NLRP13: variants seen among roughly 807,000 people sequenced by gnomAD.
NLRP13 encodes the protein NLR family pyrin domain containing 13.
NLRP13 carries 82 observed loss-of-function variants against 94.4 expected under a neutral mutation model. That is an observed-to-expected ratio of 0.87 (90% CI 0.73 to 1.04). The LOEUF (loss-of-function observed/expected upper bound fraction) is 1.04, where lower values mean the gene tolerates loss of function less well. NLRP13 is among the 50% of genes least tolerant of loss of function. NLRP13 has a pLI of 0.00. For missense variants in NLRP13, 1,426 were observed against 1,230.8 expected (o/e 1.16, Z -2.37); for synonymous variants, 553 against 464.7 (o/e 1.19, Z -2.45).
rs548750772 is a variant in NLRP13 at position 55,896,475 on chromosome 19, T to C, written c.2958-356A>G. Among the ~76,000 whole-genome samples the C allele has an allele frequency of 1.2e-3, 155 of 127,158 alleles. 2 individuals carry two copies. The highest frequency in any genetic ancestry group is 4.3e-3 in the African/African-American group (139 of 32,336). 83.4% of individuals were successfully genotyped at this position (127,158 alleles called of 152,430 possible). ...AGGTGGAGGTTGCAGTGAGCCGAGA[T>C]CACACCACTGCACTCCAGCCTGGCG... On this transcript the variant is annotated intron_variant, in intron 10 of 10. Coordinates refer to ENST00000342929, the MANE Select transcript of NLRP13 (RefSeq NM_176810.2).
At chr19:55,905,991 G>A (rs1008588277) in intron 7 of NLRP13, among the ~76,000 whole-genome samples, 3 of 152,184 alleles carry the variant, frequency 2.0e-5, no homozygotes, top group Non-Finnish European at 2.9e-5. Flanking sequence ...GTGTGAGATA[G>A]CCATGATCAA....
At chr19:55,895,176 C>CTA (rs1311681747), downstream of NLRP13, among the ~76,000 whole-genome samples, 1 of 147,066 alleles carries the variant, frequency 6.8e-6, no homozygotes, top group Non-Finnish European at 1.5e-5. Flanking sequence ...TGGTGAAACC[C>CTA]CCGTGTCTAC....
chr19:55,912,465 GTC>G lies in NLRP13; in HGVS notation c.1350_1351del (p.Gln450HisfsTer24). 1 of 1,614,232 alleles carries G rather than the reference GTC, an allele frequency of 6.2e-7. No individual in the cohort carries two copies. Among genetic ancestry groups the G allele is most frequent in the East Asian group, 2.2e-5 (1 of 44,880 alleles). ...AAAATAGGCATACAGACTGGTGGTA[GTC>G]TGAGTGATTGACTGGAGATCGTAAT... On this transcript the variant is annotated frameshift_variant, in exon 5 of 11. Coordinates refer to ENST00000342929, the MANE Select transcript of NLRP13 (RefSeq NM_176810.2). LOFTEE classifies it high-confidence loss of function.
rs773555501 is a variant in NLRP13 at position 55,898,905 on chromosome 19, C to T, written c.2822G>A (p.Cys941Tyr). ...LSGCSFTREGCGELANALSHN... is the reference protein window; with the variant it reads ...LSGCSFTREGYGELANALSHN... Reference sequence around the variant, plus strand: ...GCTGAGGGCATTAGCCAGCTCTCCACAGCCCTCTCTTGTGAAAGAACAACC... The same window carrying T: ...GCTGAGGGCATTAGCCAGCTCTCCATAGCCCTCTCTTGTGAAAGAACAACC... The change falls in exon 10 of 11, where the codon TGT becomes TAT. Residue 941 changes from cysteine (C) to tyrosine (Y), a missense_variant. Coordinates refer to ENST00000342929, the MANE Select transcript of NLRP13 (RefSeq NM_176810.2). The T allele has an allele frequency of 5.0e-6, 8 of 1,609,668 alleles. No homozygotes were observed. The highest frequency in any genetic ancestry group is 3.4e-5 in the Admixed American group (2 of 58,430).
chr19:55,930,830 T>G (rs1365161765), intron 1 of NLRP13, among the ~76,000 whole-genome samples: 1 of 121,502 alleles, frequency 8.2e-6, no homozygotes, highest in Non-Finnish European at 1.7e-5. Context: ...GCAGATTACA[T>G]GGTGCACTAA....
At chr19:55,919,772 A>G (rs545588385) in intron 4 of NLRP13, among the ~76,000 whole-genome samples, 1 of 152,270 alleles carries the variant, frequency 6.6e-6, no homozygotes, top group Non-Finnish European at 1.5e-5. Flanking sequence ...CAATATATCA[A>G]TTCAATGCAA....
chr19:55,896,046 C>T lies in NLRP13; in HGVS notation c.3031G>A (p.Val1011Ile). 8 of 1,614,176 alleles carry T rather than the reference C, an allele frequency of 5.0e-6. No homozygotes were observed. The highest frequency in any genetic ancestry group is 6.8e-6 in the Non-Finnish European group (8 of 1,180,018). Residue 1011 changes from valine to isoleucine, a missense_variant, in exon 11 of 11, where the codon GTC becomes ATC. By Grantham distance (29) the Val-to-Ile change is conservative. Transcript: ENST00000342929. Reference protein sequence around the residue: ...FSVLSSSKSLVNLNLLGNELD... With the variant: ...FSVLSSSKSLINLNLLGNELD... ...TCATTGCCTAGAAGGTTCAGATTGACCAGGCTCTTACTGCTGCTGAGAACA... is the reference window on the plus strand; with the variant it reads ...TCATTGCCTAGAAGGTTCAGATTGATCAGGCTCTTACTGCTGCTGAGAACA...
At chr19:55,921,141 G>A (rs1036371179) in intron 4 of NLRP13, among the ~76,000 whole-genome samples, 2 of 152,140 alleles carry the variant, frequency 1.3e-5, no homozygotes, top group African/African-American at 4.8e-5. Flanking sequence ...GGGGTTGAGG[G>A]ACGAGAAATT....
intron 4 of NLRP13, among the ~76,000 whole-genome samples, chr19:55,923,209 A>G (rs995382003): frequency 2.0e-5 from 3 of 152,240 alleles, no homozygotes; most frequent in Non-Finnish European, 4.4e-5. Flanking sequence ...AGCAGACACC[A>G]GTGTGTGAGA....
At chr19:55,931,718 A>AGAAAGACAGAAAGAAAGACAGAAAG in intron 1 of NLRP13, among the ~76,000 whole-genome samples, 1 of 96,032 alleles carries the variant, frequency 1.0e-5, no homozygotes, top group African/African-American at 4.1e-5. Context: ...TCAAAAAAAA[A>AGAAAGACAGAAAGAAAGACAGAAAG]AAAAAAAGAA....
At chr19:55,898,132 G>A (rs747505922) in intron 10 of NLRP13, among the ~76,000 whole-genome samples, 21 of 151,876 alleles carry the variant, frequency 1.4e-4, no homozygotes, top group Non-Finnish European at 2.8e-4. Context: ...AAGGATGGTG[G>A]TAACAAGAGT....
At chr19:55,898,225 T>TGAGA (rs1986069062) in intron 10 of NLRP13, among the ~76,000 whole-genome samples, 1 of 136,810 alleles carries the variant, frequency 7.3e-6, no homozygotes, top group African/African-American at 2.6e-5. Context: ...TTTTTTTTTT[T>TGAGA]TGAGATGGAG....
intron 8 of NLRP13, among the ~76,000 whole-genome samples, chr19:55,904,411 T>C (rs899038870): frequency 1.3e-5 from 2 of 152,120 alleles, no homozygotes; most frequent in African/African-American, 2.4e-5. Context: ...TTCACTCTGC[T>C]GTTCCTTCTC....
intron 4 of NLRP13, among the ~76,000 whole-genome samples, chr19:55,914,476 C>A (rs527335496): frequency 6.6e-6 from 1 of 152,314 alleles, no homozygotes; most frequent in East Asian, 1.9e-4. Flanking sequence ...CTACTATCTT[C>A]ATCTAAGTGA....
Position 55,914,481 on chromosome 19 carries a change from A to G in NLRP13, c.524-1188T>C, listed in dbSNP as rs547365343. ...TAGAAAGCTACTACTATCTTCATCT[A>G]AGTGAAAATGGGCACCTGGCAGACT... On this transcript the variant is annotated intron_variant, in intron 4 of 10. Coordinates refer to ENST00000342929, the MANE Select transcript of NLRP13 (RefSeq NM_176810.2). Among the ~76,000 whole-genome samples the G allele has an allele frequency of 3.9e-5, 6 of 152,332 alleles. No homozygotes were observed. The South Asian group carries it at 6.2e-4, about 16-fold the overall frequency.
At chr19:55,923,734 G>A (rs868311375) in intron 4 of NLRP13, among the ~76,000 whole-genome samples, 180 bp downstream of exon 4, 93 of 152,242 alleles carry the variant, frequency 6.1e-4, no homozygotes, top group African/African-American at 1.8e-3. Context: ...CAGGGTCTGC[G>A]GGTTGGACCT....
In NLRP13 at chr19:55,910,750, CAG is replaced by C; in HGVS notation, c.2112-19_2112-18del. The C allele has an allele frequency of 6.3e-7, 1 of 1,588,620 alleles. No homozygotes were observed. The highest frequency in any genetic ancestry group is 1.1e-5 in the South Asian group (1 of 88,782). The stretch of plus-strand genomic sequence containing the variant: ...TTGCTTGTCCTTCATGAGGGAGAGA[CAG>C]AACACGGATAAGAGCAAATTAGCCT... On this transcript the variant is annotated intron_variant, in intron 5 of 10. Transcript: ENST00000342929.
chr19:55,903,174 TG>T (rs1986238608), intron 8 of NLRP13, among the ~76,000 whole-genome samples: 1 of 152,096 alleles, frequency 6.6e-6, no homozygotes, highest in African/African-American at 2.4e-5. Flanking sequence ...TTCTACACAT[TG>T]TATCATGATC....
intron 1 of NLRP13, among the ~76,000 whole-genome samples, chr19:55,925,334 AC>A (rs1404439152): frequency 6.6e-6 from 1 of 152,188 alleles, no homozygotes; most frequent in Admixed American, 6.5e-5. Flanking sequence ...TCTTACCTCC[AC>A]AATGGTGCCT....
Sources: gnomAD v4.1 joint callset for allele counts (sites outside exome capture counted in the v4.1 genomes callset) on GRCh38, gnomAD v4.1.1 for gene constraint, MANE v1.5 for transcripts, NCBI Gene and HGNC (gene_info 2026-07-23, HGNC 2026-07-21) for gene names.